Variants in TACC2 observed in about 807,000 individuals in gnomAD.
The protein encoded by TACC2 is transforming acidic coiled-coil-containing protein 2.
A neutral mutation model predicts 227.3 loss-of-function variants in TACC2; 137 were observed. That is an observed-to-expected ratio of 0.60 (90% CI 0.52 to 0.69). The LOEUF (loss-of-function observed/expected upper bound fraction) is 0.69. Among genes scored for constraint, TACC2 ranks in the 30% least tolerant of loss-of-function variants. TACC2 has a pLI of 0.00. For synonymous variants in TACC2, 1,523 were observed against 1,487.5 expected (o/e 1.02, Z -0.55); for missense variants, 3,470 against 3,694.4 (o/e 0.94, Z 1.57).
chr10:122,243,006 C>T (rs2096036042), intron 19 of TACC2, among the ~76,000 whole-genome samples: 1 of 152,086 alleles, frequency 6.6e-6, no homozygotes, highest in Non-Finnish European at 1.5e-5. Flanking sequence ...TGCAGTGGCA[C>T]GATCTTGGCT....
chr10:122,074,081 C>CTTTTT (rs3981240), intron 3 of TACC2, among the ~76,000 whole-genome samples: 1 of 132,182 alleles, frequency 7.6e-6, no homozygotes, highest in Non-Finnish European at 1.6e-5. Context: ...CACCCGGCAT[C>CTTTTT]TTTTTTTTTT....
At chr10:122,017,870 C>A (rs375560967) in intron 1 of TACC2, among the ~76,000 whole-genome samples, 1 of 138,786 alleles carries the variant, frequency 7.2e-6, no homozygotes, top group Non-Finnish European at 1.6e-5. Context: ...AAGAAAAATT[C>A]TTCTGTGGTT....
chr10:122,097,838 G>A (rs1423657901), intron 5 of TACC2, among the ~76,000 whole-genome samples: 1 of 152,094 alleles, frequency 6.6e-6, no homozygotes, highest in Non-Finnish European at 1.5e-5. Context: ...TCGTGGACAA[G>A]GTCCCTGAGC....
intron 2 of TACC2, among the ~76,000 whole-genome samples, chr10:122,027,093 TC>T (rs1958126948): frequency 6.6e-6 from 1 of 152,210 alleles, no homozygotes; most frequent in Non-Finnish European, 1.5e-5. Flanking sequence ...GAATGGGAGT[TC>T]CTGTTCCATA....
At chr10:122,178,313 T>C (rs909528171) in intron 7 of TACC2, among the ~76,000 whole-genome samples, 6 of 151,426 alleles carry the variant, frequency 4.0e-5, no homozygotes, top group Non-Finnish European at 8.8e-5. Context: ...CTTTGTTCAC[T>C]GCAACCTCCA....
chr10:122,117,104 C>T (rs917957063), intron 5 of TACC2, among the ~76,000 whole-genome samples: 2 of 151,964 alleles, frequency 1.3e-5, no homozygotes, highest in Non-Finnish European at 2.9e-5. Flanking sequence ...TCAGCATGCT[C>T]ACAACATTAA....
chr10:122,210,133 T>C lies in TACC2; in HGVS notation c.5972-264T>C, dbSNP rs2095254413. On this transcript the variant is annotated intron_variant, in intron 8 of 22. Transcript: ENST00000369005. This position sits in a 1 kb window ranked among gnomAD's most constrained non-coding sequence, Gnocchi z 4.6. The stretch of plus-strand genomic sequence containing the variant: ...TAGGCACTTGGTGAATGTTTTTGAA[T>C]GAATACTCTGAGCTGTTCTTTAATC... The C allele has an allele frequency of 1.9e-6, 1 of 521,318 alleles. No homozygotes were observed. Among genetic ancestry groups the C allele is most frequent in the Admixed American group, 3.5e-5 (1 of 28,880 alleles). The allele number at this position is 521,318 out of a possible 1,614,324, so 32.3% of individuals were successfully genotyped here.
At chr10:122,003,699 A>G (rs1388285532) in intron 1 of TACC2, among the ~76,000 whole-genome samples, 1 of 151,258 alleles carries the variant, frequency 6.6e-6, no homozygotes, top group East Asian at 2.0e-4. Context: ...TCTGTCACCC[A>G]GGCTGGAGTG....
At chr10:122,120,076 C>A (rs2138365260) in intron 5 of TACC2, among the ~76,000 whole-genome samples, 1 of 152,276 alleles carries the variant, frequency 6.6e-6, no homozygotes, top group East Asian at 1.9e-4. Context: ...AACAGTAGTC[C>A]AATTTTAAGA....
Position 122,083,103 on chromosome 10 carries a change from G to A in TACC2, c.603G>A (p.Ser201=), listed in dbSNP as rs1159256265. The A allele has an allele frequency of 5.0e-6, 8 of 1,612,800 alleles. No individual in the cohort carries two copies. Among genetic ancestry groups the A allele is most frequent in the South Asian group, 1.1e-5 (1 of 91,084 alleles). ...GCATCGACCAGTCACCTGGAATGTCGCCAGTACCCCTCAGAGAGCCAATGA... is the reference window on the plus strand; with the variant it reads ...GCATCGACCAGTCACCTGGAATGTCACCAGTACCCCTCAGAGAGCCAATGA... ...SSGIDQSPGM[S]PVPLREPMKA... Residue 201 remains serine, a synonymous_variant, in exon 4 of 23, where the codon TCG becomes TCA. Transcript: ENST00000369005.
At chr10:122,099,442 C>T (rs897337478) in intron 5 of TACC2, among the ~76,000 whole-genome samples, 6 of 152,196 alleles carry the variant, frequency 3.9e-5, no homozygotes, top group Non-Finnish European at 8.8e-5. Flanking sequence ...CCACCTCATG[C>T]CTGGCTTGGG....
At chr10:122,157,558 A>G (rs1256817594) in intron 7 of TACC2, among the ~76,000 whole-genome samples, 2 of 151,942 alleles carry the variant, frequency 1.3e-5, no homozygotes, top group Non-Finnish European at 2.9e-5. Context: ...GAATCATGTA[A>G]CTGATCATAG....
At chr10:122,245,734 A>C (rs2096097441) in intron 19 of TACC2, among the ~76,000 whole-genome samples, 1 of 152,130 alleles carries the variant, frequency 6.6e-6, no homozygotes, top group Non-Finnish European at 1.5e-5. Flanking sequence ...GAGGCTCTTA[A>C]TAATGGGTTA....
At chr10:122,013,972 T>C (rs892697214) in intron 1 of TACC2, among the ~76,000 whole-genome samples, 1 of 152,132 alleles carries the variant, frequency 6.6e-6, no homozygotes. Context: ...AATTATTCTA[T>C]GTAGGAGAAA....
intron 7 of TACC2, among the ~76,000 whole-genome samples, chr10:122,186,809 G>A (rs978020404): frequency 5.9e-5 from 9 of 152,194 alleles, no homozygotes; most frequent in Non-Finnish European, 1.2e-4. Flanking sequence ...CACCGCCCCC[G>A]GCCAAACCTG....
intron 7 of TACC2, among the ~76,000 whole-genome samples, chr10:122,151,822 C>G (rs893231115): frequency 3.9e-5 from 6 of 152,288 alleles, no homozygotes; most frequent in Admixed American, 6.5e-5. Context: ...TTCATCCATT[C>G]ACCAACGTTG....
At chr10:122,231,018 G>A (rs149655374) in intron 16 of TACC2, among the ~76,000 whole-genome samples, 4 of 152,214 alleles carry the variant, frequency 2.6e-5, no homozygotes, top group Admixed American at 6.5e-5. Context: ...GGGCCGTACT[G>A]TCTGGCACTG....
chr10:122,086,302 C>T lies in TACC2; in HGVS notation c.3802C>T (p.Pro1268Ser). 1 of 1,613,932 alleles carries T rather than the reference C, an allele frequency of 6.2e-7. No homozygotes were observed. Among genetic ancestry groups the T allele is most frequent in the Middle Eastern group, 1.6e-4 (1 of 6,062 alleles). ...AGACCCCAGAGCTCCTGGCGAAAGC[C>T]CCTGTCCTGTAGGGGAGCCCCCACT... ...SADPRAPGES[P>S]CPVGEPPLAL... is the part of the protein sequence containing the mutation. Residue 1268 changes from proline to serine, a missense_variant, in exon 4 of 23, where the codon CCC becomes TCC. This residue lies in a region of TACC2 where 1,924 missense variants were observed against 1,978.3 expected (regional missense o/e 0.97). Coordinates refer to ENST00000369005, the MANE Select transcript of TACC2 (RefSeq NM_206862.4).
chr10:122,065,983 C>G (rs544139376), intron 3 of TACC2, among the ~76,000 whole-genome samples: 1 of 152,128 alleles, frequency 6.6e-6, no homozygotes, highest in African/African-American at 2.4e-5. Context: ...AGTACATCTT[C>G]CCCTTCTTCC....
Sources: allele counts gnomAD v4.1 joint callset (sites outside exome capture counted in the v4.1 genomes callset), GRCh38; gene constraint gnomAD v4.1.1; regional missense constraint gnomAD v4.1.1; non-coding constraint Gnocchi (gnomAD v3.1); transcripts MANE v1.5; gene names NCBI Gene and HGNC (gene_info 2026-07-23, HGNC 2026-07-21).